LRRC4B: variants seen among roughly 807,000 people sequenced by gnomAD.
The protein encoded by LRRC4B is leucine rich repeat containing 4B.
A neutral mutation model predicts 7.3 loss-of-function variants in LRRC4B; 1 was observed. That is an observed-to-expected ratio of 0.14 (90% CI 0.05 to 0.65). The LOEUF (loss-of-function observed/expected upper bound fraction) is 0.65. Ranked by LOEUF, LRRC4B falls within the 30% of genes least tolerant of loss-of-function variation. The pLI, the probability that LRRC4B is intolerant of heterozygous loss-of-function variation, is 0.84. For synonymous variants in LRRC4B, 500 were observed against 499.2 expected, an observed-to-expected ratio of 1.00 and a Z score of -0.02; for missense variants, 730 against 1,041.6, an observed-to-expected ratio of 0.70 and a Z score of 4.12.
intron 2 of LRRC4B, among the ~76,000 whole-genome samples, chr19:50,528,499 C>T (rs906321570): frequency 2.6e-5 from 4 of 152,160 alleles, no homozygotes; most frequent in African/African-American, 9.7e-5. Flanking sequence ...TGTGCACCAC[C>T]ACGCCCAGCT....
intron 1 of LRRC4B, among the ~76,000 whole-genome samples, chr19:50,551,233 C>T (rs1034941828): frequency 2.0e-5 from 3 of 151,848 alleles, no homozygotes; most frequent in South Asian, 2.1e-4. Flanking sequence ...GCGCCCAGGC[C>T]CCCCCCTCCA....
chr19:50,522,815 T>C (rs1980641842), intron 2 of LRRC4B, among the ~76,000 whole-genome samples: 1 of 152,242 alleles, frequency 6.6e-6, no homozygotes, highest in African/African-American at 2.4e-5. Flanking sequence ...CACTCGTGAC[T>C]ATCCAAACAT....
chr19:50,528,527 T>C (rs1980916873), intron 2 of LRRC4B, among the ~76,000 whole-genome samples: 1 of 152,130 alleles, frequency 6.6e-6, no homozygotes, highest in Non-Finnish European at 1.5e-5. Flanking sequence ...GTATTTTTAG[T>C]AGAGACAGCA....
At position 50,517,270 on chromosome 19, in the gene LRRC4B, G is replaced by A. The variant is rs951780360; in HGVS notation, c.*301C>T. ...AGGCGGCGGGCCCGGAACGCTTGGT[G>A]GGAGAGCGAGGAGGAAACGCGGAGA... is the stretch of plus-strand genomic sequence containing the variant. On this transcript the variant is annotated 3_prime_UTR_variant, in exon 3 of 3. Coordinates refer to ENST00000652263, the MANE Select transcript of LRRC4B (RefSeq NM_001080457.2). The surrounding 1 kb of genome is among the most constrained non-coding windows in gnomAD (Gnocchi z 6.6). 5 of 276,364 alleles carry A rather than the reference G, an allele frequency of 1.8e-5. No homozygotes were observed. Among genetic ancestry groups the A allele is most frequent in the African/African-American group, 6.5e-5 (3 of 45,828 alleles). The allele number at this position is 276,364 out of a possible 1,614,324, so 17.1% of individuals were successfully genotyped here.
At chr19:50,533,645 C>T (rs1391473968) in intron 2 of LRRC4B, among the ~76,000 whole-genome samples, 1 of 152,228 alleles carries the variant, frequency 6.6e-6, no homozygotes, top group Non-Finnish European at 1.5e-5. Context: ...AACAAAGAGA[C>T]ATCCTGGTCA....
intron 2 of LRRC4B, among the ~76,000 whole-genome samples, chr19:50,525,291 C>T (rs944243417): frequency 7.2e-5 from 11 of 152,210 alleles, no homozygotes; most frequent in African/African-American, 1.9e-4. Flanking sequence ...GTGCTCAGCA[C>T]GTCGTCATTC....
rs114677563 is a variant in LRRC4B, at chr19:50,548,189, A to G, written c.297+353T>C. Among the ~76,000 whole-genome samples, 82 of 152,336 alleles carry G rather than the reference A, an allele frequency of 5.4e-4. No individual in the cohort carries two copies. The highest frequency in any genetic ancestry group is 1.9e-3 in the African/African-American group (77 of 41,580). On this transcript the variant is annotated intron_variant, in intron 2 of 2. Transcript: ENST00000652263. The surrounding 1 kb of genome is among the most constrained non-coding windows in gnomAD (Gnocchi z 6.8). ...AGGCCACGAGAGGGTGTGGTGGTGC[A>G]GATGCCACAGGGGTCCCTGTGAAAG...
Position 50,518,374 on chromosome 19 carries a change from C to A in LRRC4B, c.1339G>T (p.Ala447Ser). The A allele has an allele frequency of 1.3e-6, 2 of 1,594,798 alleles. No homozygotes were observed. The highest frequency in any genetic ancestry group is 1.1e-5 in the South Asian group (1 of 88,366). Residue 447 changes from alanine to serine, a missense_variant, in exon 3 of 3, where the codon GCC (alanine) becomes TCC (serine). Coordinates refer to ENST00000652263, the MANE Select transcript of LRRC4B (RefSeq NM_001080457.2). ...MVTNSAGNTT[A>S]SATLNVSAVD... ...GCCGAGACGTTGAGCGTGGCCGAGG[C>A]GGTGGTGTTGCCGGCTGAGTTCGTC...
At chr19:50,541,024 A>G (rs1267818474) in intron 2 of LRRC4B, among the ~76,000 whole-genome samples, 1 of 151,762 alleles carries the variant, frequency 6.6e-6, no homozygotes, top group Non-Finnish European at 1.5e-5. Flanking sequence ...TCTACTAAAA[A>G]TACAAAAAAA....
chr19:50,567,686 C>G (rs994755610), intron 1 of LRRC4B, among the ~76,000 whole-genome samples: 1 of 148,152 alleles, frequency 6.7e-6, no homozygotes, highest in Non-Finnish European at 1.5e-5. Flanking sequence ...GCACCCCCCA[C>G]AACCTGTCCC....
intron 1 of LRRC4B, among the ~76,000 whole-genome samples, chr19:50,552,814 A>C (rs118071416): frequency 1.3e-5 from 2 of 152,172 alleles, no homozygotes; most frequent in Non-Finnish European, 2.9e-5. Flanking sequence ...CCATCTGTCC[A>C]ACAAATGTCT....
At chr19:50,541,051 G>A (rs1183409020) in intron 2 of LRRC4B, among the ~76,000 whole-genome samples, 2 of 151,884 alleles carry the variant, frequency 1.3e-5, no homozygotes, top group Non-Finnish European at 2.9e-5. Flanking sequence ...GGGCGTGCTG[G>A]TGGGTGCCTG....
intron 2 of LRRC4B, among the ~76,000 whole-genome samples, chr19:50,526,166 CAGTG>C (rs1980799751): frequency 1.3e-5 from 2 of 152,140 alleles, no homozygotes; most frequent in South Asian, 4.1e-4. Flanking sequence ...GCGACAATGA[CAGTG>C]AGAGCCCATA....
intron 2 of LRRC4B, among the ~76,000 whole-genome samples, chr19:50,543,023 G>A (rs1013547758): frequency 6.6e-6 from 1 of 152,144 alleles, no homozygotes; most frequent in African/African-American, 2.4e-5. Flanking sequence ...ACCCCCCAGA[G>A]CTCACGGGAG....
chr19:50,521,942 G>T (rs536800690), intron 2 of LRRC4B, among the ~76,000 whole-genome samples: 2 of 152,224 alleles, frequency 1.3e-5, no homozygotes, highest in South Asian at 4.2e-4. Context: ...TTGGGAGGCC[G>T]AGGTGGGAGG....
intron 1 of LRRC4B, among the ~76,000 whole-genome samples, chr19:50,552,684 C>CCATCCATCCATCCATCCATT (rs1291841245): frequency 4.9e-5 from 3 of 61,740 alleles, no homozygotes; most frequent in African/African-American, 1.3e-4. Flanking sequence ...ATCCATCCAT[C>CCATCCATCCATCCATCCATT]CATCCGTCCA....
intron 1 of LRRC4B, 125 bp downstream of exon 1, chr19:50,567,819 A>ATC (rs1555810451): frequency 4.9e-5 from 1 of 20,342 alleles, no homozygotes; most frequent in Non-Finnish European, 8.7e-5. Context: ...GTCCTCTGCC[A>ATC]TCCCCCCCCA....
At chr19:50,541,385 GA>G (rs1366929653) in intron 2 of LRRC4B, among the ~76,000 whole-genome samples, 11 of 93,824 alleles carry the variant, frequency 1.2e-4, no homozygotes, top group Admixed American at 9.4e-4. Flanking sequence ...AAAAAAAAAA[GA>G]AAAAGAAAAA....
In LRRC4B at chr19:50,519,196, T is replaced by C. The variant is rs1373647211; in HGVS notation, c.517A>G (p.Ile173Val). 1.1e-5 allele frequency: 18 copies of C among 1,613,952 alleles called. No homozygotes were observed. Among genetic ancestry groups the C allele is most frequent in the Non-Finnish European group, 1.5e-5 (18 of 1,179,990 alleles). The change falls in exon 3 of 3, where the codon ATC becomes GTC. Residue 173 changes from isoleucine (I) to valine (V), a missense_variant. Coordinates refer to ENST00000652263, the MANE Select transcript of LRRC4B (RefSeq NM_001080457.2). This position sits in a 1 kb window ranked among gnomAD's most constrained non-coding sequence, Gnocchi z 8.1. ...ACGCGGTTGAAGGCGTAGGAGGGGATGCTCTCGATGGGGTTGTTCCGCAGC... is the reference window on the plus strand; with the variant it reads ...ACGCGGTTGAAGGCGTAGGAGGGGACGCTCTCGATGGGGTTGTTCCGCAGC... ...LWLRNNPIES[I>V]PSYAFNRVPS...
Sources: gnomAD v4.1 joint callset for allele counts (sites outside exome capture counted in the v4.1 genomes callset) on GRCh38, gnomAD v4.1.1 for gene constraint, Gnocchi (gnomAD v3.1) non-coding constraint, MANE v1.5 for transcripts, NCBI Gene and HGNC (gene_info 2026-07-23, HGNC 2026-07-21) for gene names.